TLR5: variants seen among roughly 807,000 people sequenced by gnomAD.
TLR5 encodes the protein toll like receptor 5.
For missense variants in TLR5, 944 were observed against 999.8 expected, an observed-to-expected ratio of 0.94 and a Z score of 0.75; for synonymous variants, 373 against 384.4, an observed-to-expected ratio of 0.97 and a Z score of 0.35.
rs1656288413 is a variant in TLR5, at chr1:223,110,915, C to T, written c.2117G>A (p.Trp706Ter). 1 of 1,614,236 alleles carries T rather than the reference C, an allele frequency of 6.2e-7. No individual in the cohort carries two copies. The highest frequency in any genetic ancestry group is 1.1e-5 in the South Asian group (1 of 91,086). ...GTGTTTGAGCAAAGCATTCTGCACCCATGTGAAGTCTTTGCTGCTGAAGCA... is the reference window on the plus strand; with the variant it reads ...GTGTTTGAGCAAAGCATTCTGCACCTATGTGAAGTCTTTGCTGCTGAAGCA... ...YLCFSSKDFT[W>*]VQNALLKHLD... is the part of the protein sequence containing the mutation. The change falls in exon 6 of 6, where the codon TGG (tryptophan) becomes TAG (stop). Residue 706 changes from tryptophan (W) to a stop codon, truncating the protein, a stop_gained. Coordinates refer to ENST00000642603, the MANE Select transcript of TLR5 (RefSeq NM_003268.6). LOFTEE classifies it low-confidence loss of function (END_TRUNC).
At chr1:223,120,720 T>C (rs1054188749) in intron 5 of TLR5, among the ~76,000 whole-genome samples, 1 of 152,222 alleles carries the variant, frequency 6.6e-6, no homozygotes, top group African/African-American at 2.4e-5. Context: ...CTGCATCATA[T>C]GGTGGTAGCA....
intron 2 of TLR5, among the ~76,000 whole-genome samples, chr1:223,139,961 C>T (rs980248886): frequency 2.0e-5 from 3 of 152,326 alleles, no homozygotes; most frequent in South Asian, 2.1e-4. Flanking sequence ...ACACCAAATT[C>T]GGCTCAGGGG....
At chr1:223,115,856 G>A (rs957101939) in intron 5 of TLR5, among the ~76,000 whole-genome samples, 2 of 152,056 alleles carry the variant, frequency 1.3e-5, no homozygotes, top group Non-Finnish European at 2.9e-5. Context: ...ACGTTTGAGG[G>A]AAAGGAGCAG....
At chr1:223,133,356 A>G (rs1307328249) in intron 4 of TLR5, among the ~76,000 whole-genome samples, 1 of 152,230 alleles carries the variant, frequency 6.6e-6, no homozygotes, top group African/African-American at 2.4e-5. Context: ...AAACATCCAC[A>G]GAGCCTCAAA....
intron 5 of TLR5, among the ~76,000 whole-genome samples, chr1:223,116,731 G>T (rs1656674744): frequency 6.6e-6 from 1 of 152,188 alleles, no homozygotes; most frequent in African/African-American, 2.4e-5. Context: ...CGTTTTGACA[G>T]GGTGCTGATT....
chr1:223,116,530 G>A (rs893989672), intron 5 of TLR5, among the ~76,000 whole-genome samples: 3 of 152,294 alleles, frequency 2.0e-5, no homozygotes, highest in South Asian at 2.1e-4. Flanking sequence ...CCCAAAGAGC[G>A]AGCGGCAGCA....
At position 223,116,147 on chromosome 1, in the gene TLR5, A is replaced by G. The variant is rs796475186; in HGVS notation, c.-4-3112T>C. 4.6e-5 allele frequency among the ~76,000 whole-genome samples: 7 copies of G among 152,228 alleles called. No individual in the cohort carries two copies. The East Asian group carries it at 7.7e-4, about 17-fold the overall frequency. ...TCACAAGCCCTTACTTGTCTTGTCT[A>G]TTTGCTTATTTATCATACTGTGTCC... On this transcript the variant is annotated intron_variant, in intron 5 of 5. Coordinates refer to ENST00000642603, the MANE Select transcript of TLR5 (RefSeq NM_003268.6).
chr1:223,136,928 A>C (rs572414445), intron 3 of TLR5, among the ~76,000 whole-genome samples: 2 of 151,930 alleles, frequency 1.3e-5, no homozygotes, highest in Admixed American at 1.3e-4. Flanking sequence ...GGCTCAGGTG[A>C]TCCTCCCACC....
At chr1:223,140,640 G>C (rs377293832) in intron 2 of TLR5, among the ~76,000 whole-genome samples, 1 of 151,698 alleles carries the variant, frequency 6.6e-6, no homozygotes, top group African/African-American at 2.4e-5. Flanking sequence ...CAGAATTCCC[G>C]GAAGGCAGGA....
rs560463858 is a variant in TLR5, at chr1:223,137,160, C to T, written c.-353+18G>A. On this transcript the variant is annotated intron_variant, in intron 3 of 5. Transcript: ENST00000642603. ...AAAGCTAGTCCAACCCACAGTGAAC[C>T]TGGGTCCAGAGAGATACCTGGTTTG... 6.6e-6 allele frequency: 1 copy of T among 152,340 alleles called. No homozygotes were observed. The highest frequency in any genetic ancestry group is 6.5e-5 in the Admixed American group (1 of 15,300). The allele number at this position is 152,340 out of a possible 1,614,324, so 9.4% of individuals were successfully genotyped here.
rs999696012 is a variant in TLR5 at position 223,141,668 on chromosome 1, G to A, written c.-459C>T. ...GGTACCTGTAATCCCAGCTACTTGGGAGGCTGAGGCAAGAGAATCGCTTGA... is the reference window on the plus strand; with the variant it reads ...GGTACCTGTAATCCCAGCTACTTGGAAGGCTGAGGCAAGAGAATCGCTTGA... On this transcript the variant is annotated 5_prime_UTR_variant, in exon 2 of 6. Coordinates refer to ENST00000642603, the MANE Select transcript of TLR5 (RefSeq NM_003268.6). 1 of 151,476 alleles carries A rather than the reference G, an allele frequency of 6.6e-6. No individual in the cohort carries two copies. The highest frequency in any genetic ancestry group is 2.4e-5 in the African/African-American group (1 of 41,188). 9.4% of individuals were successfully genotyped at this position (151,476 alleles called of 1,614,324 possible).
rs147636573 is a variant in TLR5, at chr1:223,112,576, T to G, written c.456A>C (p.Leu152=). 719 of 1,614,132 alleles carry G rather than the reference T, an allele frequency of 4.5e-4. No homozygotes were observed. Among genetic ancestry groups the G allele is most frequent in the Non-Finnish European group, 4.3e-4 (509 of 1,180,054 alleles). ...RNLKALTRLD[L]SKNQIRSLYL... The stretch of plus-strand genomic sequence containing the variant: ...AAAGGCTACGAATCTGATTTTTGGA[T>G]AGATCCAAGCGAGTTAAAGCCTTTA... The change falls in exon 6 of 6, where the codon CTA becomes CTC. Residue 152 remains leucine, a synonymous_variant. Coordinates refer to ENST00000642603, the MANE Select transcript of TLR5 (RefSeq NM_003268.6).
Position 223,135,049 on chromosome 1 carries a change from G to A in TLR5, c.-352-185C>T, listed in dbSNP as rs192615535. Among the ~76,000 whole-genome samples the A allele has an allele frequency of 1.9e-3, 291 of 152,284 alleles. 2 individuals are homozygous for A. The highest frequency in any genetic ancestry group is 1.4e-3 in the Non-Finnish European group (93 of 68,018). On this transcript the variant is annotated intron_variant, in intron 3 of 5. Transcript: ENST00000642603. The stretch of plus-strand genomic sequence containing the variant: ...AACACTTGAGAACTGTTCTGAGAGG[G>A]ATGTGTAGTCTGTGCTGGGCTAGCA...
chr1:223,139,869 A>C (rs1375209396), intron 2 of TLR5, among the ~76,000 whole-genome samples: 2 of 152,206 alleles, frequency 1.3e-5, no homozygotes, highest in Non-Finnish European at 2.9e-5. Context: ...TTCTACTCCA[A>C]GTTGGTGGGG....
At chr1:223,130,165 A>G (rs1336281512) in intron 5 of TLR5, among the ~76,000 whole-genome samples, 2 of 152,202 alleles carry the variant, frequency 1.3e-5, no homozygotes, top group Non-Finnish European at 2.9e-5. Context: ...GTGACTGGCC[A>G]TTCAGAAACA....
chr1:223,139,562 G>A (rs1032937413), intron 2 of TLR5, among the ~76,000 whole-genome samples: 1 of 152,184 alleles, frequency 6.6e-6, no homozygotes, highest in Non-Finnish European at 1.5e-5. Flanking sequence ...GGCCAAGGCT[G>A]CCAAACAGCA....
At chr1:223,141,818 T>TAGAG (rs1558137163) in intron 1 of TLR5, 55 bp from the exon 2 acceptor site, 12 of 43,284 alleles carry the variant, frequency 2.8e-4, no homozygotes, top group South Asian at 9.5e-4. Context: ...TATATATATA[T>TAGAG]ATATAGAGAG....
chr1:223,116,371 T>C (rs1352022337), intron 5 of TLR5, among the ~76,000 whole-genome samples: 3 of 152,148 alleles, frequency 2.0e-5, no homozygotes, highest in Admixed American at 6.5e-5. Flanking sequence ...CGGTGAGTGT[T>C]ACAGCTCTTA....
rs374080914 is a variant in TLR5 at position 223,112,697 on chromosome 1, G to C, written c.335C>G (p.Pro112Arg). 326 of 1,614,100 alleles carry C rather than the reference G, an allele frequency of 2.0e-4. No homozygotes were observed. Among genetic ancestry groups the C allele is most frequent in the Non-Finnish European group, 2.7e-4 (313 of 1,180,042 alleles). ...LGSSKIYFLH[P>R]DAFQGLFHLF... ...ATGGAACAGTCCCTGAAAAGCATCTGGATGCAAGAAGTATATCTTACTACT... is the reference window on the plus strand; with the variant it reads ...ATGGAACAGTCCCTGAAAAGCATCTCGATGCAAGAAGTATATCTTACTACT... The change falls in exon 6 of 6, where the codon CCA (proline) becomes CGA (arginine). Residue 112 changes from proline to arginine, a missense_variant. Transcript: ENST00000642603.
Sources: allele counts gnomAD v4.1 joint callset (sites outside exome capture counted in the v4.1 genomes callset), GRCh38; gene constraint gnomAD v4.1.1; transcripts MANE v1.5; gene names NCBI Gene and HGNC (gene_info 2026-07-23, HGNC 2026-07-21).